Variants in CDH18 observed in about 807,000 individuals in gnomAD.
CDH18 encodes cadherin 18, also known as cadherin-18.
Under a neutral mutation model 67.9 loss-of-function variants are expected in CDH18, and 31 were observed. That is an observed-to-expected ratio of 0.46 (90% CI 0.34 to 0.62). The LOEUF is 0.62. CDH18 is among the 20% of genes least tolerant of loss of function. The pLI is 0.01. For synonymous variants in CDH18, 362 were observed against 347.2 expected (o/e 1.04, Z -0.48); for missense variants, 890 against 975.5 (o/e 0.91, Z 1.17).
At chr5:19,566,880 C>T (rs1740498411) in intron 8 of CDH18, among the ~76,000 whole-genome samples, 3 of 152,130 alleles carry the variant, frequency 2.0e-5, no homozygotes, top group Non-Finnish European at 4.4e-5. Flanking sequence ...GGTACATATG[C>T]ACAATACAGT....
intron 3 of CDH18, among the ~76,000 whole-genome samples, chr5:19,796,128 G>A (rs1194882267): frequency 6.6e-6 from 1 of 151,868 alleles, no homozygotes; most frequent in African/African-American, 2.4e-5. Flanking sequence ...GGATAAAATG[G>A]AAAAATGACT....
chr5:19,687,857 T>G (rs993070412), intron 5 of CDH18, among the ~76,000 whole-genome samples: 2 of 152,158 alleles, frequency 1.3e-5, no homozygotes, highest in African/African-American at 4.8e-5. Context: ...CTGCTGATGG[T>G]GGGCCTGGGG....
At chr5:19,974,668 T>A (rs562040327) in intron 2 of CDH18, among the ~76,000 whole-genome samples, 1 of 151,998 alleles carries the variant, frequency 6.6e-6, no homozygotes, top group African/African-American at 2.4e-5. Context: ...GAGGTGCAGA[T>A]ATAGCAGGCA....
chr5:19,621,488 C>T (rs1447944385), intron 5 of CDH18, among the ~76,000 whole-genome samples: 2 of 152,188 alleles, frequency 1.3e-5, no homozygotes, highest in African/African-American at 2.4e-5. Flanking sequence ...GAATTATAAT[C>T]GGGATCTCAT....
intron 4 of CDH18, among the ~76,000 whole-genome samples, chr5:19,742,681 T>G (rs2150708880): frequency 6.6e-6 from 1 of 152,186 alleles, no homozygotes; most frequent in African/African-American, 2.4e-5. Context: ...CTTGTTTCAT[T>G]AACCATTTTA....
At chr5:20,558,167 C>A (rs12152849) in intron 1 of CDH18, among the ~76,000 whole-genome samples, 109,673 of 151,870 alleles carry the variant, frequency 0.72, 39,907 homozygotes, top group East Asian at 0.98. Context: ...AAGTGTGACC[C>A]CTCCGTGGAA....
At chr5:20,466,706 T>C (rs1751656946) in intron 1 of CDH18, among the ~76,000 whole-genome samples, 1 of 152,074 alleles carries the variant, frequency 6.6e-6, no homozygotes, top group Non-Finnish European at 1.5e-5. Flanking sequence ...GACTCTAATC[T>C]TAATATAATT....
intron 5 of CDH18, among the ~76,000 whole-genome samples, chr5:19,700,872 A>G (rs571197262): frequency 6.6e-6 from 1 of 152,268 alleles, no homozygotes; most frequent in African/African-American, 2.4e-5. Context: ...TGATTCAGAG[A>G]AAAAAATTAG....
intron 5 of CDH18, among the ~76,000 whole-genome samples, chr5:19,621,213 C>T (rs1750635386): frequency 8.6e-6 from 1 of 116,158 alleles, no homozygotes; most frequent in Admixed American, 9.7e-5. Flanking sequence ...AACAAGAACC[C>T]AGGTTTTTTT....
chr5:20,020,475 A>G (rs1051026400), intron 2 of CDH18, among the ~76,000 whole-genome samples: 2 of 152,138 alleles, frequency 1.3e-5, no homozygotes, highest in African/African-American at 2.4e-5. Flanking sequence ...ATAGTTTTGC[A>G]GGCAGGGCTC....
At chr5:19,484,764 C>G (rs1740086091) in intron 11 of CDH18, among the ~76,000 whole-genome samples, 1 of 152,222 alleles carries the variant, frequency 6.6e-6, no homozygotes, top group African/African-American at 2.4e-5. Context: ...CCATCTGTCA[C>G]TCTACGCTGT....
intron 1 of CDH18, among the ~76,000 whole-genome samples, chr5:20,390,687 C>T (rs1016995685): frequency 6.6e-5 from 10 of 152,092 alleles, no homozygotes; most frequent in Non-Finnish European, 1.0e-4. Context: ...CACATGCACA[C>T]GTATGTTTAT....
chr5:19,544,774 T>A lies in CDH18; in HGVS notation c.1254-769A>T, dbSNP rs150779756. 6.6e-4 allele frequency among the ~76,000 whole-genome samples: 100 copies of A among 152,288 alleles called. 2 individuals carry two copies. In the East Asian group the frequency reaches 0.018, roughly 27 times the overall value. On this transcript the variant is annotated intron_variant, in intron 8 of 12. Transcript: ENST00000382275. ...ACAGGAAAAGCATGATTGGGCTAAT[T>A]AACTTGTCCTAGCAGGAGGAAGGGA...
At chr5:19,866,003 A>G (rs557942215) in intron 2 of CDH18, among the ~76,000 whole-genome samples, 1 of 152,130 alleles carries the variant, frequency 6.6e-6, no homozygotes, top group Non-Finnish European at 1.5e-5. Context: ...TTCTCCTCCT[A>G]TCCTCAGCCA....
chr5:19,702,317 T>G (rs62351329), intron 5 of CDH18, among the ~76,000 whole-genome samples: 49,544 of 151,230 alleles, frequency 0.33, 8,279 homozygotes, highest in African/African-American at 0.41. Context: ...CCTGGCTAAT[T>G]TTATGTATTT....
At chr5:20,421,567 A>G (rs1227540684) in intron 1 of CDH18, among the ~76,000 whole-genome samples, 1 of 151,072 alleles carries the variant, frequency 6.6e-6, no homozygotes, top group Non-Finnish European at 1.5e-5. Flanking sequence ...AAATTTTTAT[A>G]TTAAGAATGA....
intron 3 of CDH18, among the ~76,000 whole-genome samples, chr5:19,824,363 C>G (rs866230791): frequency 6.6e-6 from 1 of 152,212 alleles, no homozygotes; most frequent in East Asian, 1.9e-4. Flanking sequence ...TCTGGGCTCA[C>G]CATGGAGACA....
intron 2 of CDH18, among the ~76,000 whole-genome samples, chr5:19,970,605 T>A (rs1218762319): frequency 6.6e-6 from 1 of 151,682 alleles, no homozygotes; most frequent in Non-Finnish European, 1.5e-5. Flanking sequence ...TGTAGTGTTG[T>A]GGGTAAACCG....
At chr5:20,356,691 A>G (rs142463743) in intron 1 of CDH18, among the ~76,000 whole-genome samples, 1 of 150,726 alleles carries the variant, frequency 6.6e-6, no homozygotes, top group Non-Finnish European at 1.5e-5. Context: ...ATACAACCAA[A>G]CATACCTAGA....
Sources: gnomAD v4.1 joint callset for allele counts (sites outside exome capture counted in the v4.1 genomes callset) on GRCh38, gnomAD v4.1.1 for gene constraint, MANE v1.5 for transcripts, NCBI Gene and HGNC (gene_info 2026-07-23, HGNC 2026-07-21) for gene names.